Variants in UNC5C observed in about 807,000 individuals in gnomAD.
The protein encoded by UNC5C is unc-5 netrin receptor C.
In UNC5C, 47 loss-of-function variants were observed where a neutral mutation model predicts 99.8. The ratio of observed to expected loss-of-function variants is 0.47; its 90% CI spans 0.37 to 0.60. The LOEUF (loss-of-function observed/expected upper bound fraction) is 0.60. Ranked by LOEUF, UNC5C falls within the 20% of genes least tolerant of loss-of-function variation. The probability of loss-of-function intolerance (pLI) is 0.00; values close to 1 mark genes in which losing one functional copy is unlikely to be tolerated. For synonymous variants in UNC5C, 487 were observed against 452.2 expected (o/e 1.08, Z -0.98); for missense variants, 1,062 against 1,165.9 (o/e 0.91, Z 1.30).
intron 2 of UNC5C, among the ~76,000 whole-genome samples, chr4:95,310,658 G>A (rs756118523): frequency 2.6e-5 from 4 of 152,046 alleles, no homozygotes; most frequent in Non-Finnish European, 5.9e-5. Flanking sequence ...AGCATTTCTA[G>A]GTCATTGACT....
chr4:95,397,201 T>C (rs931477105), intron 1 of UNC5C, among the ~76,000 whole-genome samples: 3 of 152,196 alleles, frequency 2.0e-5, no homozygotes, highest in Non-Finnish European at 4.4e-5. Flanking sequence ...CTCATGTTTC[T>C]GAAAAATGTA....
At chr4:95,481,078 T>G (rs1721136626) in intron 1 of UNC5C, among the ~76,000 whole-genome samples, 1 of 151,340 alleles carries the variant, frequency 6.6e-6, no homozygotes, top group Non-Finnish European at 1.5e-5. Flanking sequence ...TGTCCCTGTT[T>G]GCAGATGACA....
chr4:95,413,356 G>A (rs1746057382), intron 1 of UNC5C, among the ~76,000 whole-genome samples: 1 of 152,084 alleles, frequency 6.6e-6, no homozygotes, highest in African/African-American at 2.4e-5. Flanking sequence ...TTTCCCTGCT[G>A]CCTCCTCAGC....
intron 7 of UNC5C, among the ~76,000 whole-genome samples, chr4:95,234,373 T>A (rs942960669): frequency 1.6e-5 from 2 of 128,968 alleles, no homozygotes; most frequent in African/African-American, 5.9e-5. Flanking sequence ...ACACGCCAAA[T>A]CGCTTACCTT....
At chr4:95,339,648 A>G (rs975342249) in intron 1 of UNC5C, among the ~76,000 whole-genome samples, 2 of 152,092 alleles carry the variant, frequency 1.3e-5, no homozygotes, top group African/African-American at 2.4e-5. Context: ...TGTGAACAGC[A>G]ACTTCAGACT....
At chr4:95,286,120 C>T (rs1741226819) in intron 3 of UNC5C, among the ~76,000 whole-genome samples, 1 of 152,132 alleles carries the variant, frequency 6.6e-6, no homozygotes, top group African/African-American at 2.4e-5. Flanking sequence ...AGATAATAAT[C>T]CCCCACTCTA....
At chr4:95,543,046 A>G (rs7686209) in intron 1 of UNC5C, among the ~76,000 whole-genome samples, 64,383 of 151,818 alleles carry the variant, frequency 0.42, 14,905 homozygotes, top group Middle Eastern at 0.62. Flanking sequence ...AACAGCACCA[A>G]GTTTCTGTGA....
chr4:95,258,822 C>T (rs938470168), intron 4 of UNC5C, among the ~76,000 whole-genome samples: 37 of 130,416 alleles, frequency 2.8e-4, no homozygotes, highest in Non-Finnish European at 4.1e-4. Flanking sequence ...ACTGCAGTGG[C>T]GCAATCTCGG....
intron 3 of UNC5C, among the ~76,000 whole-genome samples, chr4:95,297,515 C>G (rs1462574924): frequency 6.6e-6 from 1 of 152,150 alleles, no homozygotes; most frequent in African/African-American, 2.4e-5. Flanking sequence ...CAATAGAATT[C>G]TTGATCTCAT....
chr4:95,524,947 CA>C (rs1345725149), intron 1 of UNC5C, among the ~76,000 whole-genome samples: 1 of 152,154 alleles, frequency 6.6e-6, no homozygotes, highest in African/African-American at 2.4e-5. Flanking sequence ...TTTCTGAACA[CA>C]AGGCAAGTCA....
intron 1 of UNC5C, among the ~76,000 whole-genome samples, chr4:95,540,337 A>T (rs1386387447): frequency 2.6e-5 from 4 of 152,180 alleles, no homozygotes; most frequent in African/African-American, 9.7e-5. Flanking sequence ...TCCGGATAGC[A>T]CAAATAAATC....
At chr4:95,283,155 A>G (rs1741120976) in intron 3 of UNC5C, among the ~76,000 whole-genome samples, 1 of 152,188 alleles carries the variant, frequency 6.6e-6, no homozygotes, top group South Asian at 2.1e-4. Context: ...TTCTTAGAAT[A>G]TGGTGCAATT....
chr4:95,531,001 C>G (rs1016977670), intron 1 of UNC5C, among the ~76,000 whole-genome samples: 3 of 152,108 alleles, frequency 2.0e-5, no homozygotes, highest in African/African-American at 4.8e-5. Context: ...CATAAATAAA[C>G]CTTTTAATAA....
intron 1 of UNC5C, among the ~76,000 whole-genome samples, chr4:95,488,731 A>C (rs2149480591): frequency 6.6e-6 from 1 of 151,720 alleles, no homozygotes; most frequent in South Asian, 2.1e-4. Context: ...ATGTGCTGAA[A>C]CTTTGGGACC....
chr4:95,452,611 A>C (rs1164438500), intron 1 of UNC5C, among the ~76,000 whole-genome samples: 1 of 152,160 alleles, frequency 6.6e-6, no homozygotes, highest in Non-Finnish European at 1.5e-5. Context: ...TAAAATCAAC[A>C]AGGACCCATT....
chr4:95,482,185 A>G (rs1217127032), intron 1 of UNC5C, among the ~76,000 whole-genome samples: 1 of 151,722 alleles, frequency 6.6e-6, no homozygotes. Context: ...AAACCCATCA[A>G]AAAGTGGGCG....
At chr4:95,513,642 T>C (rs186236165) in intron 1 of UNC5C, among the ~76,000 whole-genome samples, 28 of 152,226 alleles carry the variant, frequency 1.8e-4, no homozygotes, top group Non-Finnish European at 3.4e-4. Flanking sequence ...GCTGAATATA[T>C]AGACATACAT....
intron 1 of UNC5C, among the ~76,000 whole-genome samples, chr4:95,377,425 C>A (rs1227055365): frequency 6.6e-6 from 1 of 152,102 alleles, no homozygotes; most frequent in Non-Finnish European, 1.5e-5. Context: ...CAGATAGAAC[C>A]CTGAAATGTT....
intron 1 of UNC5C, among the ~76,000 whole-genome samples, chr4:95,397,146 G>T (rs543335589): frequency 8.5e-5 from 13 of 152,298 alleles, no homozygotes; most frequent in African/African-American, 2.6e-4. Context: ...CTTTTGACAA[G>T]TGGGAATTAA....
Sources: allele counts gnomAD v4.1 joint callset (sites outside exome capture counted in the v4.1 genomes callset), GRCh38; gene constraint gnomAD v4.1.1; transcripts MANE v1.5; gene names NCBI Gene and HGNC (gene_info 2026-07-23, HGNC 2026-07-21).